The following KIF3B variants were observed in gnomAD, a reference collection of about 807,000 sequenced individuals.
The protein encoded by KIF3B is kinesin family member 3B.
KIF3B carries 38 observed loss-of-function variants against 74.3 expected under a neutral mutation model. The ratio of observed to expected loss-of-function variants is 0.51; its 90% CI spans 0.39 to 0.67. The LOEUF is 0.67. KIF3B is among the 30% of genes least tolerant of loss of function. KIF3B has a pLI of 0.00. For synonymous variants in KIF3B, 326 were observed against 342.5 expected (o/e 0.95, Z 0.53); for missense variants, 649 against 932.0 (o/e 0.70, Z 3.95).
chr20:32,278,913 T>C (rs1219623050), intron 1 of KIF3B, among the ~76,000 whole-genome samples: 1 of 145,658 alleles, frequency 6.9e-6, no homozygotes, highest in Non-Finnish European at 1.5e-5. Flanking sequence ...AGGACCTGCT[T>C]AAGAATCCTT....
Position 32,316,881 on chromosome 20 carries a change from G to A in KIF3B, c.1748+7G>A, listed in dbSNP as rs765011704. ...CCAGGGAGCTGAAACTCAAGTAAGT[G>A]CCAGGCCTTCCATAGTGCCCCCAAG... On this transcript the variant is annotated splice_region_variant and intron_variant, in intron 5 of 8. Coordinates refer to ENST00000375712, the MANE Select transcript of KIF3B (RefSeq NM_004798.4). 3.8e-6 allele frequency: 6 copies of A among 1,594,196 alleles called. No homozygotes were observed. The highest frequency in any genetic ancestry group is 2.2e-5 in the East Asian group (1 of 44,756).
chr20:32,296,696 T>C (rs1386549986), intron 1 of KIF3B, among the ~76,000 whole-genome samples: 2 of 152,212 alleles, frequency 1.3e-5, no homozygotes, highest in African/African-American at 4.8e-5. Flanking sequence ...TATCTGGCAA[T>C]TGTTACATGG....
chr20:32,282,630 C>T (rs779445481), intron 1 of KIF3B, among the ~76,000 whole-genome samples: 48 of 152,192 alleles, frequency 3.2e-4, no homozygotes, highest in Non-Finnish European at 6.2e-4. Flanking sequence ...AGGGCAGTAC[C>T]CATCTGTCTT....
Position 32,277,782 on chromosome 20 carries a change from G to C in KIF3B, c.-66+17G>C, listed in dbSNP as rs1262819367. ...GGGCCTCAGGTGAGTCGGAGGGGCCGGGCGCCCACCGAGCAGGGCTAATCC... is the reference window on the plus strand; with the variant it reads ...GGGCCTCAGGTGAGTCGGAGGGGCCCGGCGCCCACCGAGCAGGGCTAATCC... On this transcript the variant is annotated intron_variant, in intron 1 of 8. Coordinates refer to ENST00000375712, the MANE Select transcript of KIF3B (RefSeq NM_004798.4). 4.4e-6 allele frequency: 1 copy of C among 227,614 alleles called. No homozygotes were observed. Among genetic ancestry groups the C allele is most frequent in the African/African-American group, 2.4e-5 (1 of 42,508 alleles). 14.1% of individuals were successfully genotyped at this position (227,614 alleles called of 1,614,324 possible). A position where few individuals can be genotyped will look rare whatever the true frequency, so the allele number is the denominator to read the frequency against.
intron 7 of KIF3B, among the ~76,000 whole-genome samples, 179 bp downstream of exon 7, chr20:32,327,840 T>G (rs2047911743): frequency 6.6e-6 from 1 of 152,174 alleles, no homozygotes; most frequent in African/African-American, 2.4e-5. Flanking sequence ...TAGCTCACAC[T>G]TGTAATCCCA....
At chr20:32,293,621 CAAAG>C (rs1421421430) in intron 1 of KIF3B, among the ~76,000 whole-genome samples, 1 of 151,702 alleles carries the variant, frequency 6.6e-6, no homozygotes, top group Non-Finnish European at 1.5e-5. Flanking sequence ...AAAAAACAAA[CAAAG>C]AAAACAACAC....
At chr20:32,297,799 A>AT (rs914959501) in intron 1 of KIF3B, among the ~76,000 whole-genome samples, 39 of 148,276 alleles carry the variant, frequency 2.6e-4, no homozygotes, top group East Asian at 1.4e-3. Context: ...AGAGAAGTGG[A>AT]TTTTTTTTTT....
rs1482183559 is a variant in KIF3B, at chr20:32,309,533, A to G, written c.-65-180A>G. On this transcript the variant is annotated intron_variant, in intron 1 of 8. Coordinates refer to ENST00000375712, the MANE Select transcript of KIF3B (RefSeq NM_004798.4). ...CTAGCCAACAACACTGGTGGACTGC[A>G]GTTTTTTATTTTTACCACTGAAGCT... Among the ~76,000 whole-genome samples the G allele has an allele frequency of 2.0e-5, 3 of 152,162 alleles. No individual in the cohort carries two copies. The East Asian group carries it at 5.8e-4, about 29-fold the overall frequency.
rs869049527 is a variant in KIF3B, at chr20:32,305,570, C to CTTT, written c.-65-4122_-65-4120dup. Among the ~76,000 whole-genome samples the CTTT allele has an allele frequency of 8.3e-3, 720 of 86,918 alleles. 32 individuals are homozygous for CTTT. Among genetic ancestry groups the CTTT allele is most frequent in the African/African-American group, 0.017 (330 of 19,416 alleles). The allele number at this position is 86,918 out of a possible 152,430, so 57.0% of individuals were successfully genotyped here. ...TTATAAAATTTTAACACTCCCCCACCTTTTTTTTTTTTTTTTTTTTTTTGT... is the reference window on the plus strand; with the variant it reads ...TTATAAAATTTTAACACTCCCCCACCTTTTTTTTTTTTTTTTTTTTTTTTTTGT... On this transcript the variant is annotated intron_variant, in intron 1 of 8. Coordinates refer to ENST00000375712, the MANE Select transcript of KIF3B (RefSeq NM_004798.4).
chr20:32,294,878 C>T (rs2047709504), intron 1 of KIF3B, among the ~76,000 whole-genome samples: 1 of 152,144 alleles, frequency 6.6e-6, no homozygotes, highest in African/African-American at 2.4e-5. Flanking sequence ...TTTCTTCACT[C>T]AGCAATATGT....
intron 1 of KIF3B, among the ~76,000 whole-genome samples, chr20:32,293,689 A>G (rs973643288): frequency 6.6e-6 from 1 of 152,154 alleles, no homozygotes; most frequent in African/African-American, 2.4e-5. Context: ...TATAGGAAGA[A>G]GTACAGTGGT....
At chr20:32,306,042 C>T (rs947701931) in intron 1 of KIF3B, among the ~76,000 whole-genome samples, 13 of 148,812 alleles carry the variant, frequency 8.7e-5, no homozygotes, top group African/African-American at 3.0e-4. Flanking sequence ...GCCGAGATCA[C>T]GCCATTGCAC....
intron 1 of KIF3B, among the ~76,000 whole-genome samples, chr20:32,298,540 GGATAAAGTATTACA>G (rs2047727089): frequency 6.6e-6 from 1 of 152,120 alleles, no homozygotes; most frequent in African/African-American, 2.4e-5. Context: ...TTAAGAGAAA[GGATAAAGTATTACA>G]GATAAAGTTG....
chr20:32,290,637 A>G (rs1031206387), intron 1 of KIF3B, among the ~76,000 whole-genome samples: 2 of 152,128 alleles, frequency 1.3e-5, no homozygotes, highest in Non-Finnish European at 2.9e-5. Flanking sequence ...TTGGGAGGCC[A>G]AGGCGGAAGG....
intron 8 of KIF3B, 116 bp downstream of exon 8, chr20:32,330,435 A>G: frequency 1.2e-6 from 1 of 853,018 alleles, no homozygotes; most frequent in East Asian, 2.6e-5. Flanking sequence ...AAATATTGCC[A>G]TATTACTCCT....
chr20:32,283,290 G>T (rs1398847924), intron 1 of KIF3B, among the ~76,000 whole-genome samples: 1 of 152,064 alleles, frequency 6.6e-6, no homozygotes, highest in Non-Finnish European at 1.5e-5. Flanking sequence ...CAGATCACGA[G>T]GTCAGGAGTT....
At chr20:32,308,600 A>G (rs2047784063) in intron 1 of KIF3B, among the ~76,000 whole-genome samples, 1 of 151,710 alleles carries the variant, frequency 6.6e-6, no homozygotes. Flanking sequence ...TTGTAGAGAC[A>G]GGGTTTTGCC....
In KIF3B at chr20:32,309,826, C is replaced by T. The variant is rs781416477; in HGVS notation, c.49C>T (p.Arg17Trp). Residue 17 changes from arginine to tryptophan, a missense_variant, in exon 2 of 9, where the codon CGG (arginine) becomes TGG (tryptophan). Transcript: ENST00000375712. ...GTCAGTCAGGGTGGTGGTTCGCTGTCGGCCCATGAATGGCAAGGAAAAGGC... is the reference window on the plus strand; with the variant it reads ...GTCAGTCAGGGTGGTGGTTCGCTGTTGGCCCATGAATGGCAAGGAAAAGGC... The part of the protein sequence containing the change: ...SESVRVVVRC[R>W]PMNGKEKAAS... 3 of 1,614,056 alleles carry T rather than the reference C, an allele frequency of 1.9e-6. No individual in the cohort carries two copies. The highest frequency in any genetic ancestry group is 2.2e-5 in the East Asian group (1 of 44,878).
chr20:32,319,786 AT>A lies in KIF3B; in HGVS notation c.1748+2913del, dbSNP rs201914627. On this transcript the variant is annotated intron_variant, in intron 5 of 8. Transcript: ENST00000375712. ...TTTTTAGTAGAGATGGGGTGTCACC[AT>A]GTTGCCCAGGCTGGTCTTGAACTCC... 9.2e-3 allele frequency among the ~76,000 whole-genome samples: 1,390 copies of A among 151,140 alleles called. 59 individuals carry two copies. The highest frequency in any genetic ancestry group is 0.073 in the Admixed American group (1,101 of 15,110).
Sources: gnomAD v4.1 joint callset for allele counts (sites outside exome capture counted in the v4.1 genomes callset) on GRCh38, gnomAD v4.1.1 for gene constraint, MANE v1.5 for transcripts, NCBI Gene and HGNC (gene_info 2026-07-23, HGNC 2026-07-21) for gene names.